Variants in GABRB2 observed in about 807,000 individuals in gnomAD.
The protein encoded by GABRB2 is gamma-aminobutyric acid receptor subunit beta-2.
A neutral mutation model predicts 54.7 loss-of-function variants in GABRB2; 16 were observed. The observed-to-expected ratio is 0.29, with a 90% confidence interval of 0.20 to 0.44. The LOEUF (loss-of-function observed/expected upper bound fraction) is 0.44. GABRB2 is among the 20% of genes least tolerant of loss of function. The pLI, the probability that GABRB2 is intolerant of heterozygous loss-of-function variation, is 1.00. For missense variants in GABRB2, 355 were observed against 644.0 expected (o/e 0.55, Z 4.86); for synonymous variants, 244 against 233.8 (o/e 1.04, Z -0.40).
intron 3 of GABRB2, among the ~76,000 whole-genome samples, chr5:161,540,838 C>CATTATT (rs573332908): frequency 4.0e-5 from 6 of 151,382 alleles, no homozygotes; most frequent in East Asian, 1.9e-4. Flanking sequence ...ATTGTAATCT[C>CATTATT]ATTATTATTA....
chr5:161,480,700 C>T (rs1561665670), intron 3 of GABRB2, among the ~76,000 whole-genome samples: 1 of 152,032 alleles, frequency 6.6e-6, no homozygotes, highest in African/African-American at 2.4e-5. Context: ...TGATTTGAGT[C>T]AGCTCATTTA....
At chr5:161,322,383 G>A (rs901297452) in intron 9 of GABRB2, among the ~76,000 whole-genome samples, 1 of 151,998 alleles carries the variant, frequency 6.6e-6, no homozygotes, top group African/African-American at 2.4e-5. Context: ...CTACAGGCAT[G>A]TGCCACCATA....
chr5:161,509,274 T>TA (rs1759694605), intron 3 of GABRB2, among the ~76,000 whole-genome samples: 1 of 152,004 alleles, frequency 6.6e-6, no homozygotes, highest in Non-Finnish European at 1.5e-5. Context: ...TTTTGTAAGA[T>TA]AAAAAAGCTT....
chr5:161,404,598 T>G (rs187782895), intron 5 of GABRB2, among the ~76,000 whole-genome samples: 1 of 152,098 alleles, frequency 6.6e-6, no homozygotes, highest in Non-Finnish European at 1.5e-5. Context: ...AGAAAAATAT[T>G]AGAGTTTTAG....
At chr5:161,416,746 T>TATATTCA (rs1032522361) in intron 4 of GABRB2, among the ~76,000 whole-genome samples, 6 of 104,166 alleles carry the variant, frequency 5.8e-5, no homozygotes, top group African/African-American at 1.8e-4. Context: ...TAACCCTAAC[T>TATATTCA]ATATTCAAAA....
At chr5:161,488,018 G>A (rs1224353124) in intron 3 of GABRB2, among the ~76,000 whole-genome samples, 3 of 151,784 alleles carry the variant, frequency 2.0e-5, no homozygotes, top group Non-Finnish European at 4.4e-5. Context: ...AAATACAGAT[G>A]AACACTTTTT....
intron 9 of GABRB2, among the ~76,000 whole-genome samples, chr5:161,307,654 G>A (rs1295079203): frequency 6.6e-6 from 1 of 151,970 alleles, no homozygotes; most frequent in South Asian, 2.1e-4. Flanking sequence ...GATGTTTTAA[G>A]ACTGAGAAAA....
intron 3 of GABRB2, among the ~76,000 whole-genome samples, chr5:161,483,980 G>T (rs923892128): frequency 6.6e-6 from 1 of 151,516 alleles, no homozygotes; most frequent in Non-Finnish European, 1.5e-5. Context: ...TTCACCCATT[G>T]GTATACTAAA....
At chr5:161,515,039 T>C (rs1178636646) in intron 3 of GABRB2, among the ~76,000 whole-genome samples, 1 of 152,168 alleles carries the variant, frequency 6.6e-6, no homozygotes, top group African/African-American at 2.4e-5. Flanking sequence ...TAATGTATGA[T>C]AAATTTAGGT....
chr5:161,483,984 T>C (rs1166925483), intron 3 of GABRB2, among the ~76,000 whole-genome samples: 4 of 151,910 alleles, frequency 2.6e-5, no homozygotes, highest in African/African-American at 7.2e-5. Flanking sequence ...CCCATTGGTA[T>C]ACTAAAGAGG....
chr5:161,327,539 G>A (rs1758406000), intron 8 of GABRB2, among the ~76,000 whole-genome samples: 1 of 152,070 alleles, frequency 6.6e-6, no homozygotes, highest in South Asian at 2.1e-4. Context: ...GAAATGACAG[G>A]ACAGGAATTA....
At chr5:161,307,006 C>G (rs1338486049) in intron 9 of GABRB2, among the ~76,000 whole-genome samples, 3 of 152,082 alleles carry the variant, frequency 2.0e-5, no homozygotes, top group Non-Finnish European at 2.9e-5. Context: ...CATTTATAAG[C>G]TAAAGTCAAA....
chr5:161,381,596 G>C (rs1311611436), intron 5 of GABRB2, among the ~76,000 whole-genome samples: 1 of 152,106 alleles, frequency 6.6e-6, no homozygotes, highest in Admixed American at 6.6e-5. Context: ...TTCTGAAGGG[G>C]GTGAGTGGAT....
At position 161,303,265 on chromosome 5, in the gene GABRB2, C is replaced by T. The variant is rs1035028699; in HGVS notation, c.1192-8837G>A. ...TCTACTAATTGTTTTCAATATATAACGAAAAGATACTTATGAAGTGGACGC... is the reference window on the plus strand; with the variant it reads ...TCTACTAATTGTTTTCAATATATAATGAAAAGATACTTATGAAGTGGACGC... On this transcript the variant is annotated intron_variant, in intron 9 of 9. Transcript: ENST00000393959. Among the ~76,000 whole-genome samples the T allele has an allele frequency of 3.9e-5, 6 of 151,972 alleles. No individual in the cohort carries two copies. In the South Asian group the frequency reaches 6.2e-4, roughly 16 times the overall value.
chr5:161,428,657 T>C (rs1279556682), intron 4 of GABRB2, among the ~76,000 whole-genome samples: 1 of 152,206 alleles, frequency 6.6e-6, no homozygotes, highest in Non-Finnish European at 1.5e-5. Flanking sequence ...AATAAATGAA[T>C]ATTAATCTAT....
intron 3 of GABRB2, 86 bp downstream of exon 3, chr5:161,545,141 C>G: frequency 1.0e-6 from 1 of 984,888 alleles, no homozygotes; most frequent in Non-Finnish European, 1.5e-6. Context: ...GCCAAGCACA[C>G]CCCCACCCCC....
rs553965241 is a variant in GABRB2, at chr5:161,498,983, C to T, written c.238-39139G>A. Reference sequence around the variant, plus strand: ...CTACCTTTCTACCCCCACGTCCTCACGTCCTCACATCCTCGAATGTTTACC... The same window carrying T: ...CTACCTTTCTACCCCCACGTCCTCATGTCCTCACATCCTCGAATGTTTACC... On this transcript the variant is annotated intron_variant, in intron 3 of 9. Coordinates refer to ENST00000393959, the MANE Select transcript of GABRB2 (RefSeq NM_001371727.1). 6.6e-5 allele frequency among the ~76,000 whole-genome samples: 10 copies of T among 152,282 alleles called. No homozygotes were observed. In the East Asian group the frequency reaches 1.7e-3, roughly 27 times the overall value.
At chr5:161,296,296 GC>G (rs1337898641) in intron 9 of GABRB2, among the ~76,000 whole-genome samples, 1 of 152,094 alleles carries the variant, frequency 6.6e-6, no homozygotes, top group African/African-American at 2.4e-5. Flanking sequence ...TTGTTAACTT[GC>G]TTTAGTGACT....
chr5:161,542,119 T>A (rs894964658), intron 3 of GABRB2, among the ~76,000 whole-genome samples: 1 of 152,150 alleles, frequency 6.6e-6, no homozygotes, highest in Non-Finnish European at 1.5e-5. Context: ...ACAACATTTA[T>A]CCATTAAGTT....
Sources: allele counts gnomAD v4.1 joint callset (sites outside exome capture counted in the v4.1 genomes callset), GRCh38; gene constraint gnomAD v4.1.1; transcripts MANE v1.5; gene names NCBI Gene and HGNC (gene_info 2026-07-23, HGNC 2026-07-21).